The following LRRC74B variants were observed in gnomAD, a reference collection of about 807,000 sequenced individuals.
LRRC74B encodes leucine-rich repeat-containing protein 74B.
LRRC74B carries 30 observed loss-of-function variants against 16.6 expected under a neutral mutation model. That is an observed-to-expected ratio of 1.80 (90% CI 1.35 to 2.45). The LOEUF is 2.45. Among genes scored for constraint, LRRC74B ranks in the 30% most tolerant of loss-of-function variants. The probability of loss-of-function intolerance (pLI) is 0.00; values close to 1 mark genes in which losing one functional copy is unlikely to be tolerated. For synonymous variants in LRRC74B, 134 were observed against 86.0 expected, an observed-to-expected ratio of 1.56 and a Z score of -3.09; for missense variants, 326 against 202.4, an observed-to-expected ratio of 1.61 and a Z score of -3.71.
chr22:21,051,396 T>C (rs1321804026), intron 4 of LRRC74B, among the ~76,000 whole-genome samples: 1 of 152,144 alleles, frequency 6.6e-6, no homozygotes, highest in Non-Finnish European at 1.5e-5. Context: ...CTTGAACTCC[T>C]GGCGCCAAGA....
At chr22:21,047,092 C>T (rs1006491053) in intron 1 of LRRC74B, among the ~76,000 whole-genome samples, 34 of 145,300 alleles carry the variant, frequency 2.3e-4, no homozygotes, top group Non-Finnish European at 4.8e-4. Context: ...GAGTCTGTCT[C>T]GAAAAAAAAA....
At chr22:21,048,720 G>T (rs1375065811) in intron 3 of LRRC74B, 8 of 562,160 alleles carry the variant, frequency 1.4e-5, no homozygotes, top group Non-Finnish European at 2.2e-5. Flanking sequence ...ACAGTACCAG[G>T]AGGTAGGCGG....
intron 5 of LRRC74B, 116 bp from the exon 6 acceptor site, chr22:21,053,244 T>C (rs1317075831): frequency 4.8e-6 from 3 of 620,914 alleles, no homozygotes; most frequent in Admixed American, 2.6e-5. Context: ...GCCTCTCCCC[T>C]TCTGCCCTTT....
At chr22:21,059,465 G>A (rs1431529082) in intron 8 of LRRC74B, among the ~76,000 whole-genome samples, 3 of 152,214 alleles carry the variant, frequency 2.0e-5, no homozygotes, top group African/African-American at 7.2e-5. Flanking sequence ...GGGAGGCTGA[G>A]GCAGGAGAAT....
chr22:21,046,041 A>C (rs1036691089), exon 1 of LRRC74B: 5 of 717,444 alleles, frequency 7.0e-6, no homozygotes, highest in Non-Finnish European at 1.3e-5. Context: ...AGAAGAGGCT[A>C]TGGTGGCCTG....
chr22:21,060,441 C>T (rs1395409361), exon 9 of LRRC74B: 1 of 717,044 alleles, frequency 1.4e-6, no homozygotes. Flanking sequence ...CAGAACTCTG[C>T]ATAAAGACTG....
chr22:21,050,777 CAAAAAAAAA>C lies in LRRC74B; in HGVS notation c.623-1456_623-1448del, dbSNP rs71188205. Among the ~76,000 whole-genome samples the C allele has an allele frequency of 2.7e-3, 284 of 104,144 alleles. 1 individual carries two copies. The highest frequency in any genetic ancestry group is 7.3e-3 in the African/African-American group (160 of 22,026). 68.3% of individuals were successfully genotyped at this position (104,144 alleles called of 152,430 possible). A position where few individuals can be genotyped will look rare whatever the true frequency, so the allele number is the denominator to read the frequency against. Reference sequence around the variant, plus strand: ...TGGGCGAAAGAGCGAGACTCTGTCTCAAAAAAAAAAAAAAAAAAAAAAAAGTGAGACTTG... The same window carrying C: ...TGGGCGAAAGAGCGAGACTCTGTCTCAAAAAAAAAAAAAAAGTGAGACTTG... On this transcript the variant is annotated intron_variant, in intron 4 of 8. Transcript: ENST00000442047.
At chr22:21,050,788 A>C (rs1929966527) in intron 4 of LRRC74B, among the ~76,000 whole-genome samples, 1 of 149,874 alleles carries the variant, frequency 6.7e-6, no homozygotes, top group Non-Finnish European at 1.5e-5. Context: ...AAAAAAAAAA[A>C]AAAAAAAAAA....
chr22:21,053,353 A>G lies in LRRC74B; in HGVS notation c.733-7A>G, dbSNP rs1456082069. The G allele has an allele frequency of 2.8e-6, 2 of 716,296 alleles. No individual in the cohort carries two copies. The highest frequency in any genetic ancestry group is 2.7e-5 in the East Asian group (1 of 37,260). 44.4% of individuals were successfully genotyped at this position (716,296 alleles called of 1,614,324 possible). The stretch of plus-strand genomic sequence containing the variant: ...GGGTCCCATGACTTCACTCTTTGGT[A>G]TTCTAGGCAAACATCTTCCTTAAAG... On this transcript the variant is annotated splice_polypyrimidine_tract_variant and splice_region_variant and intron_variant, in intron 5 of 8. Coordinates refer to ENST00000442047, the Ensembl canonical transcript of LRRC74B.
At chr22:21,049,544 G>A in intron 4 of LRRC74B, 1 of 185,374 alleles carries the variant, frequency 5.4e-6, no homozygotes, top group South Asian at 1.2e-4. Context: ...GGCTGGGGAG[G>A]CCTCTGTGAG....
chr22:21,046,133 G>T lies in LRRC74B; in HGVS notation c.139+8G>T. 1.4e-6 allele frequency: 1 copy of T among 716,386 alleles called. No individual in the cohort carries two copies. The highest frequency in any genetic ancestry group is 2.6e-6 in the Non-Finnish European group (1 of 385,040). The allele number at this position is 716,386 out of a possible 1,614,324, so 44.4% of individuals were successfully genotyped here. On this transcript the variant is annotated splice_region_variant and intron_variant, in intron 1 of 8. Transcript: ENST00000442047. ...CCGACCTGGAGACGGAAGGTGCTCGGGGGAGGGGGCAGGCCCGACTCCTCC... is the reference window on the plus strand; with the variant it reads ...CCGACCTGGAGACGGAAGGTGCTCGTGGGAGGGGGCAGGCCCGACTCCTCC...
intron 5 of LRRC74B, among the ~76,000 whole-genome samples, chr22:21,053,128 C>T (rs1041228258): frequency 4.6e-5 from 7 of 152,158 alleles, no homozygotes; most frequent in Admixed American, 2.0e-4. Flanking sequence ...ACGTCTACAC[C>T]GGTCCTTTCC....
At chr22:21,057,059 C>T (rs1217294753) in intron 7 of LRRC74B, 46 bp from the exon 8 acceptor site, 1 of 714,874 alleles carries the variant, frequency 1.4e-6, no homozygotes, top group Middle Eastern at 2.6e-4. Flanking sequence ...TGCTCTCTGG[C>T]CTTCCCGGAC....
At chr22:21,053,269 C>A (rs1469166406) in intron 5 of LRRC74B, 91 bp from the exon 6 acceptor site, 4 of 654,312 alleles carry the variant, frequency 6.1e-6, no homozygotes, top group Non-Finnish European at 8.5e-6. Flanking sequence ...CTTATCTTTG[C>A]ACCTCAGGGC....
At chr22:21,058,052 ATT>A (rs538672719) in intron 8 of LRRC74B, among the ~76,000 whole-genome samples, 55 of 134,072 alleles carry the variant, frequency 4.1e-4, no homozygotes, top group Admixed American at 4.5e-4. Context: ...CGCCCGGCTG[ATT>A]TTTTTTTTTT....
intron 1 of LRRC74B, 113 bp downstream of exon 1, chr22:21,046,238 G>T: frequency 1.6e-6 from 1 of 624,586 alleles, no homozygotes. Flanking sequence ...CGCCTGCGGG[G>T]CGCCTCCAGC....
chr22:21,046,369 A>T (rs1312438955), intron 1 of LRRC74B, among the ~76,000 whole-genome samples: 1 of 152,252 alleles, frequency 6.6e-6, no homozygotes, highest in African/African-American at 2.4e-5. Flanking sequence ...CCCAATCCAC[A>T]GGAAAAACTA....
At chr22:21,056,260 G>A (rs541604235) in intron 7 of LRRC74B, among the ~76,000 whole-genome samples, 1 of 152,302 alleles carries the variant, frequency 6.6e-6, no homozygotes, top group African/African-American at 2.4e-5. Context: ...CCAGCACTTC[G>A]GGAGGCTGAG....
chr22:21,053,120 G>A (rs372506318), intron 5 of LRRC74B, among the ~76,000 whole-genome samples: 8 of 152,160 alleles, frequency 5.3e-5, no homozygotes, highest in African/African-American at 1.4e-4. Flanking sequence ...GGCCATTCAC[G>A]TCTACACCGG....
Sources: gnomAD v4.1 joint callset for allele counts (sites outside exome capture counted in the v4.1 genomes callset) on GRCh38, gnomAD v4.1.1 for gene constraint, MANE v1.5 for transcripts, NCBI Gene and HGNC (gene_info 2026-07-23, HGNC 2026-07-21) for gene names.